LMO7: variants seen among roughly 807,000 people sequenced by gnomAD.
LMO7 encodes the protein LIM domain only protein 7.
In LMO7, 120 loss-of-function variants were observed where a neutral mutation model predicts 206.5. That is an observed-to-expected ratio of 0.58 (90% CI 0.50 to 0.68). LMO7 has a LOEUF of 0.68. Among genes scored for constraint, LMO7 ranks in the 30% least tolerant of loss-of-function variants. The pLI is 0.00. For synonymous variants in LMO7, 706 were observed against 681.5 expected (o/e 1.04, Z -0.56); for missense variants, 1,959 against 1,957.9 (o/e 1.00, Z -0.01).
At chr13:75,797,076 C>T (rs1022414220) in intron 6 of LMO7, among the ~76,000 whole-genome samples, 6 of 152,214 alleles carry the variant, frequency 3.9e-5, no homozygotes, top group Non-Finnish European at 8.8e-5. Flanking sequence ...TTGCTATACT[C>T]ATCGTAAACT....
upstream of LMO7, among the ~76,000 whole-genome samples, chr13:75,633,953 T>C (rs964051108): frequency 6.7e-6 from 1 of 150,272 alleles, no homozygotes; most frequent in African/African-American, 2.4e-5. Flanking sequence ...GTTCAAGCGA[T>C]TCTCCTGCCT....
rs2055732144 is a variant in LMO7 at position 75,807,732 on chromosome 13, C to T, written c.1449C>T (p.Asp483=). 6.2e-7 allele frequency: 1 copy of T among 1,613,962 alleles called. No individual in the cohort carries two copies. Among genetic ancestry groups the T allele is most frequent in the South Asian group, 1.1e-5 (1 of 91,084 alleles). The part of the protein sequence containing the change: ...ANPYVLRAFE[D]FRKFSEQDDS... ...CATATGTTCTCCGAGCTTTTGAAGACTTTAGAAAGTTCTCTGAGCAAGATG... is the reference window on the plus strand; with the variant it reads ...CATATGTTCTCCGAGCTTTTGAAGATTTTAGAAAGTTCTCTGAGCAAGATG... Residue 483 remains aspartate (D), a synonymous_variant, in exon 10 of 31, where the codon GAC becomes GAT. Coordinates refer to ENST00000377534, the MANE Select transcript of LMO7 (RefSeq NM_001306080.2).
rs2061126112 is a variant in LMO7, at chr13:75,858,421, CCCCAAATGTG to C, written c.*480_*489del. 1 of 152,554 alleles carries C rather than the reference CCCCAAATGTG, an allele frequency of 6.6e-6. No individual in the cohort carries two copies. The highest frequency in any genetic ancestry group is 2.1e-4 in the South Asian group (1 of 4,830). 9.5% of individuals were successfully genotyped at this position (152,554 alleles called of 1,614,324 possible). A position where few individuals can be genotyped will look rare whatever the true frequency, so the allele number is the denominator to read the frequency against. ...TATGGAAAATTTCATTAAAATCTAT[CCCCAAATGTG>C]CTTTCTGTATCCTTCCTTCTACCTA... On this transcript the variant is annotated 3_prime_UTR_variant, in exon 31 of 31. Transcript: ENST00000377534.
chr13:75,790,251 T>C (rs1316200825), intron 4 of LMO7, among the ~76,000 whole-genome samples: 1 of 152,168 alleles, frequency 6.6e-6, no homozygotes, highest in Non-Finnish European at 1.5e-5. Context: ...GTAGTTTGGC[T>C]GAGATGGATA....
chr13:75,722,239 G>A (rs1401135168), intron 2 of LMO7, among the ~76,000 whole-genome samples: 1 of 152,162 alleles, frequency 6.6e-6, no homozygotes, highest in Non-Finnish European at 1.5e-5. Context: ...CACAGCAAAA[G>A]AAATAATCAG....
chr13:75,715,254 G>C (rs1463472220), intron 2 of LMO7, among the ~76,000 whole-genome samples: 7 of 152,206 alleles, frequency 4.6e-5, no homozygotes, highest in African/African-American at 7.2e-5. Context: ...GATCTGCATA[G>C]TGTGACCAAG....
At chr13:75,765,538 C>G (rs2048752048) in intron 4 of LMO7, among the ~76,000 whole-genome samples, 2 of 151,970 alleles carry the variant, frequency 1.3e-5, no homozygotes, top group Admixed American at 6.6e-5. Flanking sequence ...TTGTATATGT[C>G]TCTATCCCAT....
chr13:75,780,540 ATTT>A (rs2051170507), intron 4 of LMO7, among the ~76,000 whole-genome samples: 1 of 152,096 alleles, frequency 6.6e-6, no homozygotes, highest in Non-Finnish European at 1.5e-5. Context: ...AGGTGCCCAG[ATTT>A]TATGTTGTTC....
chr13:75,835,070 T>TTA, intron 17 of LMO7, 163 bp from the exon 18 acceptor site: 2 of 778,936 alleles, frequency 2.6e-6, no homozygotes, highest in Non-Finnish European at 3.6e-6. Context: ...AGATTTTTTT[T>TTA]TATATATATG....
chr13:75,708,712 A>T (rs1204065682), intron 1 of LMO7, among the ~76,000 whole-genome samples: 1 of 152,238 alleles, frequency 6.6e-6, no homozygotes, highest in Non-Finnish European at 1.5e-5. Context: ...GGGATAATCC[A>T]GGGTCCTTTC....
In LMO7 at chr13:75,663,337, A is replaced by AAG. The variant is rs879583584; in HGVS notation, c.69+26611_69+26612insAG. On this transcript the variant is annotated intron_variant, in intron 1 of 30. Transcript: ENST00000377534. ...AGAGGTGCCTCAGATTTTTTTAAAA[A>AAG]TTTTTATATTCTGTAAATAGGGCTT... is the stretch of plus-strand genomic sequence containing the variant. 9.0e-3 allele frequency among the ~76,000 whole-genome samples: 1,368 copies of AAG among 151,498 alleles called. 42 individuals carry two copies. Among genetic ancestry groups the AAG allele is most frequent in the Admixed American group, 0.032 (487 of 15,234 alleles).
At chr13:75,717,082 G>T (rs9593122) in intron 2 of LMO7, among the ~76,000 whole-genome samples, 61 of 151,874 alleles carry the variant, frequency 4.0e-4, no homozygotes, top group African/African-American at 1.4e-3. Flanking sequence ...CACTCTTCTC[G>T]GCCGGGCGCG....
chr13:75,677,293 G>A (rs1170318713), intron 1 of LMO7, among the ~76,000 whole-genome samples: 2 of 152,182 alleles, frequency 1.3e-5, no homozygotes, highest in South Asian at 2.1e-4. Flanking sequence ...TTGTCTGGAA[G>A]AGCTAACCTT....
intron 4 of LMO7, among the ~76,000 whole-genome samples, chr13:75,786,743 T>C (rs912381642): frequency 1.3e-5 from 2 of 152,210 alleles, no homozygotes; most frequent in African/African-American, 4.8e-5. Context: ...ATTTCATCTC[T>C]GTGCTGACAA....
chr13:75,829,737 A>G (rs2058478595), intron 15 of LMO7, among the ~76,000 whole-genome samples: 1 of 151,874 alleles, frequency 6.6e-6, no homozygotes, highest in African/African-American at 2.4e-5. Flanking sequence ...TGACATGAAA[A>G]TCTTAATTCA....
At chr13:75,784,336 G>A (rs533453817) in intron 4 of LMO7, among the ~76,000 whole-genome samples, 13 of 152,232 alleles carry the variant, frequency 8.5e-5, no homozygotes, top group Admixed American at 6.5e-4. Flanking sequence ...AGATAAAGAG[G>A]CTTTTGTGGA....
chr13:75,848,634 TC>T (rs2060211828), intron 26 of LMO7, among the ~76,000 whole-genome samples: 1 of 138,612 alleles, frequency 7.2e-6, no homozygotes, highest in East Asian at 2.1e-4. Context: ...TATATATATA[TC>T]ATGTTCTCTA....
intron 6 of LMO7, among the ~76,000 whole-genome samples, chr13:75,797,396 C>A (rs890192446): frequency 6.6e-6 from 1 of 152,248 alleles, no homozygotes. Context: ...CAGGACTGAC[C>A]GTAGTTCTGC....
intron 6 of LMO7, among the ~76,000 whole-genome samples, chr13:75,800,313 A>T (rs2054568322): frequency 6.6e-6 from 1 of 152,172 alleles, no homozygotes; most frequent in Non-Finnish European, 1.5e-5. Flanking sequence ...GACTCTTTTC[A>T]CATTTATTGC....
Sources: gnomAD v4.1 joint callset for allele counts (sites outside exome capture counted in the v4.1 genomes callset) on GRCh38, gnomAD v4.1.1 for gene constraint, MANE v1.5 for transcripts, NCBI Gene and HGNC (gene_info 2026-07-23, HGNC 2026-07-21) for gene names.